The following PPARGC1A variants were observed in gnomAD, a reference collection of about 807,000 sequenced individuals.
PPARGC1A encodes the protein PPARG coactivator 1 alpha.
A neutral mutation model predicts 88.7 loss-of-function variants in PPARGC1A; 25 were observed. The observed-to-expected ratio is 0.28, with a 90% CI of 0.21 to 0.39. The LOEUF (loss-of-function observed/expected upper bound fraction) is 0.39. Ranked by LOEUF, PPARGC1A falls within the 10% of genes least tolerant of loss-of-function variation. The probability of loss-of-function intolerance (pLI) is 1.00; values close to 1 mark genes in which losing one functional copy is unlikely to be tolerated. For missense variants in PPARGC1A, 880 were observed against 968.7 expected, an observed-to-expected ratio of 0.91 and a Z score of 1.22; for synonymous variants, 363 against 355.6, an observed-to-expected ratio of 1.02 and a Z score of -0.24.
chr4:24,462,214 T>C, the PPARGC1A span, among the ~76,000 whole-genome samples: 1 of 151,772 alleles, frequency 6.6e-6, no homozygotes, highest in South Asian at 2.1e-4. Context: ...GCCTCCCAAG[T>C]AGCTGGGATT....
chr4:24,165,957 A>G, the PPARGC1A span, among the ~76,000 whole-genome samples: 1 of 152,206 alleles, frequency 6.6e-6, no homozygotes, highest in Non-Finnish European at 1.5e-5. Flanking sequence ...CTTAATGAGA[A>G]AGGCATGTCG....
chr4:23,869,142 G>A (rs527814151), intron 2 of PPARGC1A, among the ~76,000 whole-genome samples: 1 of 152,288 alleles, frequency 6.6e-6, no homozygotes, highest in South Asian at 2.1e-4. Context: ...AGTGGTTCAA[G>A]AATAGCTTGC....
the PPARGC1A span, among the ~76,000 whole-genome samples, chr4:24,213,041 C>G: frequency 6.6e-6 from 1 of 152,066 alleles, no homozygotes; most frequent in African/African-American, 2.4e-5. Context: ...TGACCTAGAG[C>G]AAAGACCCAA....
intron 2 of PPARGC1A, among the ~76,000 whole-genome samples, chr4:23,860,164 T>C (rs984439075): frequency 3.9e-5 from 6 of 151,986 alleles, no homozygotes; most frequent in South Asian, 4.2e-4. Context: ...CCTAGCTATA[T>C]GGAAGGCTGA....
At chr4:24,380,525 G>C in the PPARGC1A span, among the ~76,000 whole-genome samples, 1 of 149,326 alleles carries the variant, frequency 6.7e-6, no homozygotes, top group Non-Finnish European at 1.5e-5. Context: ...AAGGAGGCAT[G>C]GAGAGGTTAG....
At chr4:24,461,152 G>A in the PPARGC1A span, among the ~76,000 whole-genome samples, 15 of 152,122 alleles carry the variant, frequency 9.9e-5, no homozygotes, top group Admixed American at 3.3e-4. Flanking sequence ...TCAAACTCCC[G>A]GCCTCAAGCA....
chr4:24,387,768 GAAAGAAAGAAAGAAAGAAAGAA>G, the PPARGC1A span, among the ~76,000 whole-genome samples: 5 of 63,482 alleles, frequency 7.9e-5, no homozygotes, highest in South Asian at 5.9e-4. Context: ...GAGAGAGAGA[GAAAGAAAGAAAGAAAGAAAGAA>G]AGAAAGAAAG....
the PPARGC1A span, among the ~76,000 whole-genome samples, chr4:24,090,039 G>A: frequency 6.6e-6 from 1 of 152,132 alleles, no homozygotes; most frequent in African/African-American, 2.4e-5. Flanking sequence ...TGGACTTCAT[G>A]TTTCTAGTTT....
chr4:24,418,860 T>C, the PPARGC1A span, among the ~76,000 whole-genome samples: 1 of 152,208 alleles, frequency 6.6e-6, no homozygotes, highest in African/African-American at 2.4e-5. Flanking sequence ...TGTCAGTCAA[T>C]TCCTCATCTT....
chr4:24,325,649 A>T, the PPARGC1A span, among the ~76,000 whole-genome samples: 1 of 151,654 alleles, frequency 6.6e-6, no homozygotes, highest in Non-Finnish European at 1.5e-5. Context: ...TGTCTGACCG[A>T]CTCCTTCTCG....
chr4:24,110,793 A>G, the PPARGC1A span, among the ~76,000 whole-genome samples: 3 of 152,304 alleles, frequency 2.0e-5, no homozygotes, highest in East Asian at 1.9e-4. Flanking sequence ...CAAGAACCCA[A>G]TGAGATATAC....
At chr4:24,305,525 G>A in the PPARGC1A span, among the ~76,000 whole-genome samples, 1 of 152,150 alleles carries the variant, frequency 6.6e-6, no homozygotes, top group Non-Finnish European at 1.5e-5. Flanking sequence ...AAAAGATGGT[G>A]GCCATTGCCA....
At chr4:24,355,022 T>C in the PPARGC1A span, among the ~76,000 whole-genome samples, 4 of 152,218 alleles carry the variant, frequency 2.6e-5, no homozygotes, top group African/African-American at 2.4e-5. Flanking sequence ...GATCTGCCGC[T>C]AGCCAAGAGA....
the PPARGC1A span, among the ~76,000 whole-genome samples, chr4:24,270,641 A>C: frequency 6.6e-6 from 1 of 152,176 alleles, no homozygotes; most frequent in African/African-American, 2.4e-5. Flanking sequence ...AGGAAAAAGG[A>C]AAGTTGTGTA....
chr4:23,876,915 G>A (rs941391393), intron 2 of PPARGC1A, among the ~76,000 whole-genome samples: 1 of 152,136 alleles, frequency 6.6e-6, no homozygotes, highest in African/African-American at 2.4e-5. Flanking sequence ...AACCTTGAAT[G>A]AATAACTTGC....
the PPARGC1A span, among the ~76,000 whole-genome samples, chr4:24,405,675 G>T: frequency 3.5e-4 from 53 of 152,248 alleles, no homozygotes; most frequent in African/African-American, 1.2e-3. Context: ...CTATCCCAAG[G>T]TGAGAATGGA....
At chr4:23,858,167 T>C (rs538209098) in intron 2 of PPARGC1A, among the ~76,000 whole-genome samples, 1 of 152,242 alleles carries the variant, frequency 6.6e-6, no homozygotes, top group South Asian at 2.1e-4. Flanking sequence ...AGACTTTGTC[T>C]TAATTCTGTC....
the PPARGC1A span, among the ~76,000 whole-genome samples, chr4:24,308,307 A>G: frequency 1.3e-5 from 2 of 151,852 alleles, no homozygotes; most frequent in African/African-American, 4.8e-5. Context: ...AAAAAAAAAA[A>G]AAAAAAAGAG....
the PPARGC1A span, among the ~76,000 whole-genome samples, chr4:24,319,353 T>TA: frequency 6.6e-6 from 1 of 152,014 alleles, no homozygotes; most frequent in African/African-American, 2.4e-5. Context: ...CCTCAAAAAA[T>TA]AAAAATAAAG....
Sources: allele counts gnomAD v4.1 joint callset (sites outside exome capture counted in the v4.1 genomes callset), GRCh38; gene constraint gnomAD v4.1.1; transcripts MANE v1.5; gene names NCBI Gene and HGNC (gene_info 2026-07-23, HGNC 2026-07-21).